Variants in PLA2G1B observed in about 807,000 individuals in gnomAD.
PLA2G1B encodes phospholipase A2.
PLA2G1B carries 12 observed loss-of-function variants against 12.5 expected under a neutral mutation model. The observed-to-expected ratio is 0.96, with a 90% CI of 0.62 to 1.56. The LOEUF is 1.56. Among genes scored for constraint, PLA2G1B ranks in the 40% most tolerant of loss-of-function variants. The pLI, the probability that PLA2G1B is intolerant of heterozygous loss-of-function variation, is 0.00. For missense variants in PLA2G1B, 189 were observed against 186.7 expected, an observed-to-expected ratio of 1.01 and a Z score of -0.07; for synonymous variants, 81 against 73.4, an observed-to-expected ratio of 1.10 and a Z score of -0.53.
At chr12:120,323,672 T>G (rs1024044542) in intron 3 of PLA2G1B, among the ~76,000 whole-genome samples, 2 of 151,956 alleles carry the variant, frequency 1.3e-5, no homozygotes, top group African/African-American at 4.8e-5. Context: ...GTGTGTGTAT[T>G]TCTCTGGGGA....
Position 120,325,901 on chromosome 12 carries a change from C to CACA in PLA2G1B, c.151_153dup (p.Cys51dup), listed in dbSNP as rs1873334737. On this transcript the variant is annotated inframe_insertion, in exon 2 of 4. Transcript: ENST00000308366. The stretch of plus-strand genomic sequence containing the variant: ...ACGGGGGTGCCTGAGCCCCCCAAGC[C>CACA]ACAGTAGCAGCCGTAGTTGTTGTAT... 1.2e-6 allele frequency: 2 copies of CACA among 1,614,088 alleles called. No homozygotes were observed. Among genetic ancestry groups the CACA allele is most frequent in the East Asian group, 2.2e-5 (1 of 44,900 alleles).
At chr12:120,326,690 G>C (rs1873357668) in intron 1 of PLA2G1B, among the ~76,000 whole-genome samples, 1 of 151,550 alleles carries the variant, frequency 6.6e-6, no homozygotes, top group Non-Finnish European at 1.5e-5. Context: ...ATGTGATAAG[G>C]CCGGGCACGG....
rs762286318 is a variant in PLA2G1B, at chr12:120,322,242, T to A, written c.398A>T (p.Tyr133Phe). 6.2e-7 allele frequency: 1 copy of A among 1,614,084 alleles called. No individual in the cohort carries two copies. Among genetic ancestry groups the A allele is most frequent in the East Asian group, 2.2e-5 (1 of 44,884 alleles). ...NAAICFSKAP[Y>F]NKAHKNLDTK... is the part of the protein sequence containing the mutation. ...GTCCAGGTTCTTGTGTGCCTTGTTA[T>A]ATGGAGCTTTTGAAAAGCAGATGGC... Residue 133 changes from tyrosine (Y) to phenylalanine (F), a missense_variant, in exon 4 of 4, where the codon TAT (tyrosine) becomes TTT (phenylalanine). Transcript: ENST00000308366.
At chr12:120,322,972 A>G (rs1394839738) in intron 3 of PLA2G1B, among the ~76,000 whole-genome samples, 1 of 152,206 alleles carries the variant, frequency 6.6e-6, no homozygotes, top group Non-Finnish European at 1.5e-5. Context: ...AAAATTAGGT[A>G]TGCCTGCACA....
At chr12:120,323,681 G>T (rs1873281845) in intron 3 of PLA2G1B, among the ~76,000 whole-genome samples, 1 of 152,086 alleles carries the variant, frequency 6.6e-6, no homozygotes, top group Admixed American at 6.6e-5. Context: ...TTTCTCTGGG[G>T]AGAGGGTTCA....
At chr12:120,323,072 G>T (rs569152533) in intron 3 of PLA2G1B, among the ~76,000 whole-genome samples, 1 of 152,306 alleles carries the variant, frequency 6.6e-6, no homozygotes, top group African/African-American at 2.4e-5. Flanking sequence ...TAGGATTATA[G>T]ATGCCTTCCA....
chr12:120,327,486 A>G (rs1353166241), intron 1 of PLA2G1B, among the ~76,000 whole-genome samples: 1 of 152,138 alleles, frequency 6.6e-6, no homozygotes, highest in Non-Finnish European at 1.5e-5. Context: ...AAAAAAGAAA[A>G]TAAAGGCAAG....
rs1206178737 is a variant in PLA2G1B at position 120,324,950 on chromosome 12, C to T, written c.306G>A (p.Ser102=). Residue 102 remains serine (S), a synonymous_variant, in exon 3 of 4, where the codon TCG becomes TCA. Coordinates refer to ENST00000308366, the MANE Select transcript of PLA2G1B (RefSeq NM_000928.3). ...THTYSYSCSG[S]AITCSSKNKE... is the part of the protein sequence containing the mutation. ...TAAACCTACTGCTACAGGTGATTGC[C>T]GAGCCAGAGCACGAGTATGAATAGG... 5.6e-6 allele frequency: 9 copies of T among 1,613,924 alleles called. No individual in the cohort carries two copies. The highest frequency in any genetic ancestry group is 3.3e-5 in the South Asian group (3 of 91,080).
intron 3 of PLA2G1B, among the ~76,000 whole-genome samples, chr12:120,324,228 G>A (rs1186217): frequency 6.6e-6 from 1 of 151,850 alleles, no homozygotes; most frequent in Non-Finnish European, 1.5e-5. Flanking sequence ...CAGGAGAATC[G>A]CTTGAACCCG....
chr12:120,327,611 C>A, intron 1 of PLA2G1B, 109 bp downstream of exon 1: 1 of 1,067,538 alleles, frequency 9.4e-7, no homozygotes. Flanking sequence ...ATTGAGACTG[C>A]GGGGCTGGCC....
intron 1 of PLA2G1B, among the ~76,000 whole-genome samples, chr12:120,326,598 T>G (rs1873355050): frequency 6.8e-6 from 1 of 147,072 alleles, no homozygotes; most frequent in Non-Finnish European, 1.5e-5. Flanking sequence ...ATAATAATAA[T>G]AATAATAATA....
intron 1 of PLA2G1B, among the ~76,000 whole-genome samples, chr12:120,327,274 G>A (rs1873370246): frequency 6.6e-6 from 1 of 151,968 alleles, no homozygotes; most frequent in Non-Finnish European, 1.5e-5. Flanking sequence ...CAGCCTGGGC[G>A]ACAGAGTGAG....
chr12:120,327,664 G>A, intron 1 of PLA2G1B, 56 bp downstream of exon 1: 1 of 1,543,944 alleles, frequency 6.5e-7, no homozygotes, highest in Non-Finnish European at 9.0e-7. Context: ...CCAGAGGAGT[G>A]AGATCTTAGC....
intron 3 of PLA2G1B, among the ~76,000 whole-genome samples, chr12:120,323,192 T>G (rs972269390): frequency 6.6e-6 from 1 of 152,246 alleles, no homozygotes; most frequent in African/African-American, 2.4e-5. Flanking sequence ...ATTTAAACTT[T>G]ATTACATATA....
At chr12:120,326,167 G>T in intron 1 of PLA2G1B, 147 bp from the exon 2 acceptor site, 5 of 589,146 alleles carry the variant, frequency 8.5e-6, no homozygotes, top group Non-Finnish European at 1.4e-5. Flanking sequence ...ACCTGGTAAA[G>T]TGAAAGTGGG....
chr12:120,324,963 G>A lies in PLA2G1B; in HGVS notation c.293C>T (p.Ser98Leu), dbSNP rs774440802. ...ACAGGTGATTGCCGAGCCAGAGCAC[G>A]AGTATGAATAGGTGTGGGTGTACGG... ...DNPYTHTYSY[S>L]CSGSAITCSS... The change falls in exon 3 of 4, where the codon TCG (serine) becomes TTG (leucine). Residue 98 changes from serine to leucine, a missense_variant. Physicochemically the swap from Ser to Leu is moderately radical, Grantham distance 145. Transcript: ENST00000308366. 2.5e-6 allele frequency: 4 copies of A among 1,613,986 alleles called. No homozygotes were observed. Among genetic ancestry groups the A allele is most frequent in the Admixed American group, 1.7e-5 (1 of 59,988 alleles).
rs140311467 is a variant in PLA2G1B at position 120,323,811 on chromosome 12, G to A, written c.322+1123C>T. Among the ~76,000 whole-genome samples the A allele has an allele frequency of 3.0e-3, 451 of 152,174 alleles. 3 individuals carry two copies. Among genetic ancestry groups the A allele is most frequent in the African/African-American group, 0.01 (433 of 41,512 alleles). ...ACAATGAAAAAACAGTAACAATAAAGGTTTGAGGCAATATGAAAAAGTCAT... is the reference window on the plus strand; with the variant it reads ...ACAATGAAAAAACAGTAACAATAAAAGTTTGAGGCAATATGAAAAAGTCAT... On this transcript the variant is annotated intron_variant, in intron 3 of 3. Coordinates refer to ENST00000308366, the MANE Select transcript of PLA2G1B (RefSeq NM_000928.3).
intron 1 of PLA2G1B, among the ~76,000 whole-genome samples, chr12:120,326,256 ATCT>A (rs1287208114): frequency 9.6e-5 from 14 of 145,632 alleles, no homozygotes; most frequent in Middle Eastern, 7.2e-3. Context: ...ATATATATAT[ATCT>A]TCTTCTTTTT....
intron 2 of PLA2G1B, 96 bp from the exon 3 acceptor site, chr12:120,325,157 G>A (rs1004225717): frequency 4.0e-5 from 48 of 1,191,150 alleles, no homozygotes; most frequent in Middle Eastern, 2.6e-4. Flanking sequence ...GGATGACTTC[G>A]CCAAGATGCT....
Sources: gnomAD v4.1 joint callset for allele counts (sites outside exome capture counted in the v4.1 genomes callset) on GRCh38, gnomAD v4.1.1 for gene constraint, MANE v1.5 for transcripts, NCBI Gene and HGNC (gene_info 2026-07-23, HGNC 2026-07-21) for gene names.